RNF26: variants seen among roughly 807,000 people sequenced by gnomAD.
RNF26 encodes E3 ubiquitin-protein ligase RNF26.
A neutral mutation model predicts 25.4 loss-of-function variants in RNF26; 8 were observed. The observed-to-expected ratio is 0.31, with a 90% CI of 0.18 to 0.57. RNF26 has a LOEUF of 0.57. Ranked by LOEUF, RNF26 falls within the 20% of genes least tolerant of loss-of-function variation. RNF26 has a pLI of 0.90. For missense variants in RNF26, 470 were observed against 552.0 expected, an observed-to-expected ratio of 0.85 and a Z score of 1.49; for synonymous variants, 262 against 246.7, an observed-to-expected ratio of 1.06 and a Z score of -0.58.
Position 119,335,302 on chromosome 11 carries a change from A to G in RNF26, c.180A>G (p.Gly60=), listed in dbSNP as rs774856873. 5 of 1,613,856 alleles carry G rather than the reference A, an allele frequency of 3.1e-6. No individual in the cohort carries two copies. Among genetic ancestry groups the G allele is most frequent in the Non-Finnish European group, 4.2e-6 (5 of 1,180,014 alleles). Residue 60 remains glycine, a synonymous_variant, in exon 1 of 1, where the codon GGA becomes GGG. Transcript: ENST00000311413. The part of the protein sequence containing the change: ...VLTSLLHLGR[G]VLLSLLALIE... The stretch of plus-strand genomic sequence containing the variant: ...CTAGTCTTCTGCACTTGGGCCGCGG[A>G]GTCTTGCTTTCATTGCTGGCCTTGA...
At position 119,336,389 on chromosome 11, in the gene RNF26, C is replaced by T. The variant is rs774994780; in HGVS notation, c.1267C>T (p.Arg423Trp). ...VYHRNCPLCR[R>W]GILQTLNVYL Reference sequence around the variant, plus strand: ...CCACCGCAATTGCCCGCTCTGCCGCCGGGGCATCCTGCAGACCCTCAATGT... The same window carrying T: ...CCACCGCAATTGCCCGCTCTGCCGCTGGGGCATCCTGCAGACCCTCAATGT... The change falls in exon 1 of 1, where the codon CGG (arginine) becomes TGG (tryptophan). Residue 423 changes from arginine (R) to tryptophan (W), a missense_variant. Physicochemically the swap from Arg to Trp is moderately radical, Grantham distance 101. Coordinates refer to ENST00000311413, the MANE Select transcript of RNF26 (RefSeq NM_032015.5). The T allele has an allele frequency of 8.7e-6, 14 of 1,611,196 alleles. No individual in the cohort carries two copies. The highest frequency in any genetic ancestry group is 1.0e-5 in the Non-Finnish European group (12 of 1,179,830).
In RNF26 at chr11:119,336,698, A is replaced by G; in HGVS notation, c.*274A>G. The G allele has an allele frequency of 2.0e-6, 1 of 510,654 alleles. No individual in the cohort carries two copies. Among genetic ancestry groups the G allele is most frequent in the South Asian group, 2.8e-5 (1 of 35,660 alleles). The allele number at this position is 510,654 out of a possible 1,614,324, so 31.6% of individuals were successfully genotyped here. On this transcript the variant is annotated 3_prime_UTR_variant, in exon 1 of 1. Coordinates refer to ENST00000311413, the MANE Select transcript of RNF26 (RefSeq NM_032015.5). ...GACTATTTGCTGTGGGCTCTCCTCC[A>G]GCCTGCCCAGGGCCCACCCAGATGC...
At position 119,335,176 on chromosome 11, in the gene RNF26, G is replaced by C; in HGVS notation, c.54G>C (p.Leu18=). The change falls in exon 1 of 1, where the codon CTG becomes CTC. Residue 18 remains leucine, a synonymous_variant. Transcript: ENST00000311413. The part of the protein sequence containing the change: ...VNGLGLVLDV[L]TLVLDLNFLL... ...GGTTGGGCCTGGTGCTGGACGTGCT[G>C]ACCTTGGTGTTGGACCTCAACTTCC... 3 of 1,614,184 alleles carry C rather than the reference G, an allele frequency of 1.9e-6. No homozygotes were observed. The highest frequency in any genetic ancestry group is 2.5e-6 in the Non-Finnish European group (3 of 1,180,026).
rs1209885333 is a variant in RNF26 at position 119,335,337 on chromosome 11, T to C, written c.215T>C (p.Val72Ala). The change falls in exon 1 of 1, where the codon GTG (valine) becomes GCG (alanine). Residue 72 changes from valine (V) to alanine (A), a missense_variant. Physicochemically the swap from Val to Ala is moderately conservative, Grantham distance 64. Coordinates refer to ENST00000311413, the MANE Select transcript of RNF26 (RefSeq NM_032015.5). ...TCATTGCTGGCCTTGATCGAAGCCG[T>C]GGTCCGGTTCACATGTGGGGGCTTG... ...LLSLLALIEAVVRFTCGGLQA... is the reference protein window; with the variant it reads ...LLSLLALIEAAVRFTCGGLQA... 6.2e-7 allele frequency: 1 copy of C among 1,614,176 alleles called. No individual in the cohort carries two copies. The highest frequency in any genetic ancestry group is 8.5e-7 in the Non-Finnish European group (1 of 1,180,038).
chr11:119,334,776 C>A lies in RNF26; in HGVS notation c.-347C>A. ...ATTCCATCCGTTCCTCGTCTCCTCC[C>A]GGTCTGACCCGTTGCCCGGCCGTGG... On this transcript the variant is annotated 5_prime_UTR_variant, in exon 1 of 1. Coordinates refer to ENST00000311413, the MANE Select transcript of RNF26 (RefSeq NM_032015.5). 2.8e-6 allele frequency: 1 copy of A among 356,270 alleles called. No homozygotes were observed. The highest frequency in any genetic ancestry group is 5.2e-6 in the Non-Finnish European group (1 of 191,440). 22.1% of individuals were successfully genotyped at this position (356,270 alleles called of 1,614,324 possible).
chr11:119,335,924 C>T lies in RNF26; in HGVS notation c.802C>T (p.His268Tyr), dbSNP rs1201369084. The change falls in exon 1 of 1, where the codon CAC (histidine) becomes TAC (tyrosine). Residue 268 changes from histidine to tyrosine, a missense_variant. His to Tyr is a moderately conservative substitution (Grantham distance 83, BLOSUM62 2). Transcript: ENST00000311413. The part of the protein sequence containing the change: ...LSQLHARPSY[H>Y]RLREDVMRLS... ...CCAGCTCCATGCCCGGCCATCCTAC[C>T]ACCGTCTTCGAGAGGATGTCATGCG... The T allele has an allele frequency of 8.1e-6, 13 of 1,610,482 alleles. No individual in the cohort carries two copies. The highest frequency in any genetic ancestry group is 1.6e-4 in the Middle Eastern group (1 of 6,062).
rs780469665 is a variant in RNF26 at position 119,335,985 on chromosome 11, G to T, written c.863G>T (p.Arg288Leu). The change falls in exon 1 of 1, where the codon CGC (arginine) becomes CTC (leucine). Residue 288 changes from arginine (R) to leucine (L), a missense_variant. Coordinates refer to ENST00000311413, the MANE Select transcript of RNF26 (RefSeq NM_032015.5). ...SRLALGSEAWRRVWSRSLQLA... is the reference protein window; with the variant it reads ...SRLALGSEAWLRVWSRSLQLA... ...CTAGCACTGGGCTCAGAGGCCTGGCGCCGAGTCTGGAGCCGCAGTCTGCAG... is the reference window on the plus strand; with the variant it reads ...CTAGCACTGGGCTCAGAGGCCTGGCTCCGAGTCTGGAGCCGCAGTCTGCAG... 12 of 1,612,434 alleles carry T rather than the reference G, an allele frequency of 7.4e-6. No homozygotes were observed. Among genetic ancestry groups the T allele is most frequent in the Non-Finnish European group, 1.0e-5 (12 of 1,180,030 alleles).
rs1950429907 is a variant in RNF26 at position 119,334,780 on chromosome 11, C to T, written c.-343C>T. 2 of 374,202 alleles carry T rather than the reference C, an allele frequency of 5.3e-6. No individual in the cohort carries two copies. The highest frequency in any genetic ancestry group is 9.9e-6 in the Non-Finnish European group (2 of 202,260). The allele number at this position is 374,202 out of a possible 1,614,324, so 23.2% of individuals were successfully genotyped here. A position where few individuals can be genotyped will look rare whatever the true frequency, so the allele number is the denominator to read the frequency against. On this transcript the variant is annotated 5_prime_UTR_variant, in exon 1 of 1. Coordinates refer to ENST00000311413, the MANE Select transcript of RNF26 (RefSeq NM_032015.5). ...CATCCGTTCCTCGTCTCCTCCCGGT[C>T]TGACCCGTTGCCCGGCCGTGGTTCG...
Position 119,335,550 on chromosome 11 carries a change from T to C in RNF26, c.428T>C (p.Leu143Pro). ...GACATCTGTGCCATTGCCATGAGCC[T>C]GGTGGCTTATGTGATCAACAGCCTG... Reference protein sequence around the residue: ...ACDICAIAMSLVAYVINSLVN... With the variant: ...ACDICAIAMSPVAYVINSLVN... Residue 143 changes from leucine to proline, a missense_variant, in exon 1 of 1, where the codon CTG (leucine) becomes CCG (proline). By Grantham distance (98) the Leu-to-Pro change is moderately conservative (BLOSUM62 -3). Transcript: ENST00000311413. The C allele has an allele frequency of 1.2e-6, 2 of 1,614,034 alleles. No homozygotes were observed. Among genetic ancestry groups the C allele is most frequent in the Non-Finnish European group, 1.7e-6 (2 of 1,179,926 alleles).
Position 119,336,387 on chromosome 11 carries a change from G to T in RNF26, c.1265G>T (p.Arg422Leu), listed in dbSNP as rs771502392. ...PVYHRNCPLC[R>L]RGILQTLNVY... ...TACCACCGCAATTGCCCGCTCTGCC[G>T]CCGGGGCATCCTGCAGACCCTCAAT... Residue 422 changes from arginine (R) to leucine (L), a missense_variant, in exon 1 of 1, where the codon CGC becomes CTC. Physicochemically the swap from Arg to Leu is moderately radical, Grantham distance 102. Transcript: ENST00000311413. 6.2e-7 allele frequency: 1 copy of T among 1,610,998 alleles called. No individual in the cohort carries two copies.
chr11:119,334,605 T>C lies in RNF26; in HGVS notation c.-518T>C, dbSNP rs187433595. ...GCTGGCTGCCTCTCCCACTCCCCTT[T>C]TGGGTGCAAAGCGCCGCTAGCGGGA... On this transcript the variant is annotated 5_prime_UTR_variant, in exon 1 of 1. Transcript: ENST00000311413. The C allele has an allele frequency of 9.1e-4, 151 of 165,942 alleles. 1 individual carries two copies. The East Asian group carries it at 0.012, about 13-fold the overall frequency. The allele number at this position is 165,942 out of a possible 1,614,324, so 10.3% of individuals were successfully genotyped here. A position where few individuals can be genotyped will look rare whatever the true frequency, so the allele number is the denominator to read the frequency against.
Position 119,335,729 on chromosome 11 carries a change from T to C in RNF26, c.607T>C (p.Trp203Arg). 2 of 1,614,242 alleles carry C rather than the reference T, an allele frequency of 1.2e-6. No homozygotes were observed. The highest frequency in any genetic ancestry group is 1.7e-6 in the Non-Finnish European group (2 of 1,180,044). The change falls in exon 1 of 1, where the codon TGG becomes CGG. Residue 203 changes from tryptophan to arginine, a missense_variant. Physicochemically the swap from Trp to Arg is moderately radical, Grantham distance 101. Coordinates refer to ENST00000311413, the MANE Select transcript of RNF26 (RefSeq NM_032015.5). ...SSAVAMAILL[W>R]TPCQLALELL... ...TGCTGTGGCCATGGCCATCCTCCTT[T>C]GGACACCCTGCCAACTAGCCCTGGA... is the stretch of plus-strand genomic sequence containing the variant.
In RNF26 at chr11:119,335,819, T is replaced by A; in HGVS notation, c.697T>A (p.Leu233Met). 6.2e-7 allele frequency: 1 copy of A among 1,612,636 alleles called. No individual in the cohort carries two copies. Among genetic ancestry groups the A allele is most frequent in the Non-Finnish European group, 8.5e-7 (1 of 1,179,994 alleles). The stretch of plus-strand genomic sequence containing the variant: ...GCTTGTCAATCTCACTGGCTTGGTG[T>A]TGCTAGCTTGTGTGCTGGCAGTGAC... The part of the protein sequence containing the change: ...FVLVNLTGLV[L>M]LACVLAVTVT... Residue 233 changes from leucine to methionine, a missense_variant, in exon 1 of 1, where the codon TTG becomes ATG. Transcript: ENST00000311413.
chr11:119,336,375 G>A lies in RNF26; in HGVS notation c.1253G>A (p.Cys418Tyr). ...CGCCACCCCGTCTACCACCGCAATT[G>A]CCCGCTCTGCCGCCGGGGCATCCTG... is the stretch of plus-strand genomic sequence containing the variant. ...LMRHPVYHRNCPLCRRGILQT... is the reference protein window; with the variant it reads ...LMRHPVYHRNYPLCRRGILQT... The change falls in exon 1 of 1, where the codon TGC (cysteine) becomes TAC (tyrosine). Residue 418 changes from cysteine (C) to tyrosine (Y), a missense_variant. By Grantham distance (194) the Cys-to-Tyr change is radical. Coordinates refer to ENST00000311413, the MANE Select transcript of RNF26 (RefSeq NM_032015.5). 1 of 1,611,508 alleles carries A rather than the reference G, an allele frequency of 6.2e-7. No individual in the cohort carries two copies.
rs35503635 is a variant in RNF26 at position 119,335,914 on chromosome 11, G to A, written c.792G>A (p.Arg264=). ...ATQALSQLHA[R]PSYHRLREDV... Reference sequence around the variant, plus strand: ...AGGCACTCAGCCAGCTCCATGCCCGGCCATCCTACCACCGTCTTCGAGAGG... The same window carrying A: ...AGGCACTCAGCCAGCTCCATGCCCGACCATCCTACCACCGTCTTCGAGAGG... The change falls in exon 1 of 1, where the codon CGG becomes CGA. Residue 264 remains arginine (R), a synonymous_variant. Coordinates refer to ENST00000311413, the MANE Select transcript of RNF26 (RefSeq NM_032015.5). 1,657 of 1,610,024 alleles carry A rather than the reference G, an allele frequency of 1.0e-3. 14 individuals are homozygous for A. In the African/African-American group the frequency reaches 0.02, roughly 20 times the overall value.
rs1314020272 is a variant in RNF26, at chr11:119,337,042, C to T, written c.*618C>T. 5.9e-6 allele frequency: 1 copy of T among 169,430 alleles called. No individual in the cohort carries two copies. The highest frequency in any genetic ancestry group is 1.5e-5 in the Non-Finnish European group (1 of 68,750). 10.5% of individuals were successfully genotyped at this position (169,430 alleles called of 1,614,324 possible). A position where few individuals can be genotyped will look rare whatever the true frequency, so the allele number is the denominator to read the frequency against. ...TTTACCCCTGGGATGGGGGATGCAT[C>T]TGCACCTGACTTTGGGGCCACGTGC... On this transcript the variant is annotated 3_prime_UTR_variant, in exon 1 of 1. Transcript: ENST00000311413.
rs1950441568 is a variant in RNF26 at position 119,336,369 on chromosome 11, G to A, written c.1247G>A (p.Arg416His). ...CTGATGCGCCACCCCGTCTACCACC[G>A]CAATTGCCCGCTCTGCCGCCGGGGC... is the stretch of plus-strand genomic sequence containing the variant. ...EILMRHPVYH[R>H]NCPLCRRGIL... Residue 416 changes from arginine to histidine, a missense_variant, in exon 1 of 1, where the codon CGC becomes CAC. Physicochemically the swap from Arg to His is conservative, Grantham distance 29. Transcript: ENST00000311413. 10 of 1,611,610 alleles carry A rather than the reference G, an allele frequency of 6.2e-6. No homozygotes were observed. The highest frequency in any genetic ancestry group is 8.5e-6 in the Non-Finnish European group (10 of 1,179,960).
At position 119,335,378 on chromosome 11, in the gene RNF26, CT is replaced by C; in HGVS notation, c.257del (p.Leu86ArgfsTer9). 6.2e-7 allele frequency: 1 copy of C among 1,614,176 alleles called. No individual in the cohort carries two copies. The highest frequency in any genetic ancestry group is 8.5e-7 in the Non-Finnish European group (1 of 1,180,040). On this transcript the variant is annotated frameshift_variant, in exon 1 of 1. Transcript: ENST00000311413. LOFTEE classifies it high-confidence loss of function. ...TGGGGGCTTGCAGGCCTTGTGTACT[CT>C]GCTGTATAGCTGCTGCTCTGGCCTA... ...TCGGLQALCT[L>X]LYSCCSGLES...
Position 119,335,172 on chromosome 11 carries a change from T to G in RNF26, c.50T>G (p.Val17Gly). 1 of 1,614,198 alleles carries G rather than the reference T, an allele frequency of 6.2e-7. No homozygotes were observed. The highest frequency in any genetic ancestry group is 8.5e-7 in the Non-Finnish European group (1 of 1,180,028). The change falls in exon 1 of 1, where the codon GTG becomes GGG. Residue 17 changes from valine to glycine, a missense_variant. Physicochemically the swap from Val to Gly is moderately radical, Grantham distance 109. Transcript: ENST00000311413. ...AATGGGTTGGGCCTGGTGCTGGACG[T>G]GCTGACCTTGGTGTTGGACCTCAAC... ...VVNGLGLVLDVLTLVLDLNFL... is the reference protein window; with the variant it reads ...VVNGLGLVLDGLTLVLDLNFL...
Sources: gnomAD v4.1 joint callset for allele counts on GRCh38, gnomAD v4.1.1 for gene constraint, MANE v1.5 for transcripts, NCBI Gene and HGNC (gene_info 2026-07-23, HGNC 2026-07-21) for gene names.